The following ANXA6 variants were observed in gnomAD, a reference collection of about 807,000 sequenced individuals.
ANXA6 encodes the protein 67 kDa calelectrin.
A neutral mutation model predicts 95.4 loss-of-function variants in ANXA6; 71 were observed. That is an observed-to-expected ratio of 0.74 (90% CI 0.61 to 0.91). The LOEUF (loss-of-function observed/expected upper bound fraction) is 0.91. Among genes scored for constraint, ANXA6 ranks in the 40% least tolerant of loss-of-function variants. The pLI is 0.00. For synonymous variants in ANXA6, 289 were observed against 315.9 expected (o/e 0.91, Z 0.90); for missense variants, 830 against 876.4 (o/e 0.95, Z 0.67).
At chr5:151,143,070 C>T (rs1445795408) in intron 2 of ANXA6, among the ~76,000 whole-genome samples, 3 of 149,142 alleles carry the variant, frequency 2.0e-5, no homozygotes, top group African/African-American at 7.8e-5. Context: ...GAACCACAAG[C>T]TGAGAACTAA....
At chr5:151,129,671 A>C in intron 11 of ANXA6, 142 bp from the exon 12 acceptor site, 4 of 937,312 alleles carry the variant, frequency 4.3e-6, no homozygotes, top group Non-Finnish European at 6.3e-6. Flanking sequence ...ATTCCCATTG[A>C]AGCTCTCTCT....
chr5:151,140,731 C>T (rs1218814797), intron 2 of ANXA6, among the ~76,000 whole-genome samples: 1 of 152,064 alleles, frequency 6.6e-6, no homozygotes, highest in East Asian at 1.9e-4. Flanking sequence ...CCAGCCAGCC[C>T]CTCATATTTT....
rs1292431966 is a variant in ANXA6, at chr5:151,104,899, G to A, written c.1839+346C>T. Reference sequence around the variant, plus strand: ...ACATTTCTCAACCTTGGCATTTGGGGCTGGATAATTCTTTGTTGCGCAAGC... The same window carrying A: ...ACATTTCTCAACCTTGGCATTTGGGACTGGATAATTCTTTGTTGCGCAAGC... On this transcript the variant is annotated intron_variant, in intron 24 of 25. Coordinates refer to ENST00000354546, the MANE Select transcript of ANXA6 (RefSeq NM_001155.5). Among the ~76,000 whole-genome samples the A allele has an allele frequency of 7.2e-5, 11 of 152,236 alleles. 1 individual carries two copies. Among genetic ancestry groups the A allele is most frequent in the Admixed American group, 6.5e-4 (10 of 15,288 alleles).
chr5:151,144,801 C>T (rs540654407), intron 2 of ANXA6, among the ~76,000 whole-genome samples: 5 of 152,078 alleles, frequency 3.3e-5, no homozygotes, highest in Non-Finnish European at 7.4e-5. Context: ...ACTAATAAGA[C>T]CTTCCAAGTG....
intron 2 of ANXA6, among the ~76,000 whole-genome samples, chr5:151,145,568 G>C (rs1200984446): frequency 1.3e-5 from 2 of 152,106 alleles, no homozygotes; most frequent in African/African-American, 4.8e-5. Context: ...AGGAACTGGG[G>C]GGTGTCTAGG....
chr5:151,147,771 C>T, intron 2 of ANXA6, 113 bp downstream of exon 2: 1 of 1,215,138 alleles, frequency 8.2e-7, no homozygotes, highest in Non-Finnish European at 1.2e-6. Context: ...AACCTTTCCT[C>T]CTTTTTTCAA....
chr5:151,147,705 A>G (rs999106445), intron 2 of ANXA6, among the ~76,000 whole-genome samples, 179 bp downstream of exon 2: 1 of 152,132 alleles, frequency 6.6e-6, no homozygotes, highest in African/African-American at 2.4e-5. Context: ...ATATTACATT[A>G]TGGTGACCTG....
chr5:151,137,995 T>C (rs780039326), intron 5 of ANXA6, among the ~76,000 whole-genome samples: 2 of 152,240 alleles, frequency 1.3e-5, no homozygotes, highest in Non-Finnish European at 1.5e-5. Flanking sequence ...ATGTAGATGA[T>C]ATTAGTTGCT....
At position 151,117,117 on chromosome 5, in the gene ANXA6, G is replaced by C; in HGVS notation, c.1572+10C>G. 6.3e-7 allele frequency: 1 copy of C among 1,583,990 alleles called. No individual in the cohort carries two copies. The highest frequency in any genetic ancestry group is 1.7e-5 in the Admixed American group (1 of 57,806). On this transcript the variant is annotated intron_variant, in intron 20 of 25. Transcript: ENST00000354546. ...CGGCAGAGGTGACTGGGGTGGGCTGGGGGTCTTACCTGGGCATCTTCCCGT... is the reference window on the plus strand; with the variant it reads ...CGGCAGAGGTGACTGGGGTGGGCTGCGGGTCTTACCTGGGCATCTTCCCGT...
Position 151,140,220 on chromosome 5 carries a change from G to C in ANXA6, c.42C>G (p.Ile14Met). The C allele has an allele frequency of 6.2e-7, 1 of 1,613,950 alleles. No homozygotes were observed. Among genetic ancestry groups the C allele is most frequent in the Non-Finnish European group, 8.5e-7 (1 of 1,179,866 alleles). ...TGGGGTCAAAGCCTGGGAAGTCATG[G>C]ATGGAGCCCCGGTACTTGGCACCCT... is the stretch of plus-strand genomic sequence containing the variant. ...PAQGAKYRGS[I>M]HDFPGFDPNQ... Residue 14 changes from isoleucine (I) to methionine (M), a missense_variant, in exon 3 of 26, where the codon ATC (isoleucine) becomes ATG (methionine). Transcript: ENST00000354546.
intron 2 of ANXA6, among the ~76,000 whole-genome samples, chr5:151,144,672 G>A (rs148527369): frequency 1.7e-4 from 26 of 152,282 alleles, no homozygotes; most frequent in African/African-American, 6.3e-4. Flanking sequence ...AGAAGGGGCT[G>A]AAGTGCCATG....
At chr5:151,108,864 T>C (rs1764771513) in intron 22 of ANXA6, among the ~76,000 whole-genome samples, 1 of 152,328 alleles carries the variant, frequency 6.6e-6, no homozygotes, top group South Asian at 2.1e-4. Context: ...GTCCTAGTCA[T>C]GGTTCTGCCC....
At chr5:151,123,119 G>T in intron 15 of ANXA6, 108 bp from the exon 16 acceptor site, 1 of 973,140 alleles carries the variant, frequency 1.0e-6, no homozygotes, top group South Asian at 1.4e-5. Flanking sequence ...GTAGAAGCCT[G>T]GCTAAGCGGC....
At chr5:151,150,414 AG>A (rs1415280045) in intron 1 of ANXA6, among the ~76,000 whole-genome samples, 1 of 152,218 alleles carries the variant, frequency 6.6e-6, no homozygotes, top group Non-Finnish European at 1.5e-5. Flanking sequence ...AGCACATAAG[AG>A]GCCAGGCACA....
At chr5:151,137,379 A>C (rs1765697119) in intron 5 of ANXA6, 58 bp from the exon 6 acceptor site, 1 of 1,461,500 alleles carries the variant, frequency 6.8e-7, no homozygotes. Context: ...CACTGGACAC[A>C]GGTTGGGATC....
chr5:151,103,577 G>T lies in ANXA6; in HGVS notation c.1955C>A (p.Ala652Asp). Reference protein sequence around the residue: ...IEKYDKSLHQAIEGDTSGDFL... With the variant: ...IEKYDKSLHQDIEGDTSGDFL... ...TCTAGCCCCTCCCCTTACCTCAATG[G>T]CTTGGTGGAGAGACTTGTCATATTT... The change falls in exon 25 of 26, where the codon GCC (alanine) becomes GAC (aspartate). Residue 652 changes from alanine (A) to aspartate (D), a missense_variant. Ala to Asp is a moderately radical substitution (Grantham distance 126). Coordinates refer to ENST00000354546, the MANE Select transcript of ANXA6 (RefSeq NM_001155.5). The T allele has an allele frequency of 6.2e-7, 1 of 1,612,450 alleles. No homozygotes were observed. Among genetic ancestry groups the T allele is most frequent in the Non-Finnish European group, 8.5e-7 (1 of 1,179,238 alleles).
chr5:151,154,152 G>A (rs1328520780), intron 1 of ANXA6, among the ~76,000 whole-genome samples: 1 of 152,006 alleles, frequency 6.6e-6, no homozygotes, highest in Admixed American at 6.6e-5. Context: ...AAGCAGGGGC[G>A]TGTTTTTCCA....
chr5:151,133,263 A>G, intron 8 of ANXA6, 76 bp from the exon 9 acceptor site: 2 of 979,078 alleles, frequency 2.0e-6, no homozygotes, highest in Admixed American at 4.1e-5. Context: ...GCCACTCAGA[A>G]CTGCTGCCTG....
chr5:151,108,112 GTA>G (rs2113895362), intron 23 of ANXA6, among the ~76,000 whole-genome samples: 1 of 152,152 alleles, frequency 6.6e-6, no homozygotes, highest in South Asian at 2.1e-4. Flanking sequence ...ATGTGTGTGT[GTA>G]TAGTATGTGT....
Sources: gnomAD v4.1 joint callset for allele counts (sites outside exome capture counted in the v4.1 genomes callset) on GRCh38, gnomAD v4.1.1 for gene constraint, MANE v1.5 for transcripts, NCBI Gene and HGNC (gene_info 2026-07-23, HGNC 2026-07-21) for gene names.